VAT1L: variants seen among roughly 807,000 people sequenced by gnomAD.
VAT1L encodes the protein putative NADPH-dependent quinone oxidoreductase VAT1L.
VAT1L carries 34 observed loss-of-function variants against 44.1 expected under a neutral mutation model. The observed-to-expected ratio is 0.77, with a 90% CI of 0.59 to 1.03. The LOEUF is 1.03. Ranked by LOEUF, VAT1L falls within the 50% of genes least tolerant of loss-of-function variation. VAT1L has a pLI of 0.00. For synonymous variants in VAT1L, 253 were observed against 202.2 expected, an observed-to-expected ratio of 1.25 and a Z score of -2.13; for missense variants, 615 against 538.8, an observed-to-expected ratio of 1.14 and a Z score of -1.40.
chr16:77,970,931 G>A (rs1009418334), intron 7 of VAT1L, among the ~76,000 whole-genome samples: 3 of 152,098 alleles, frequency 2.0e-5, no homozygotes, highest in African/African-American at 7.2e-5. Context: ...AACATTTAAT[G>A]AATATTTTTG....
intron 3 of VAT1L, among the ~76,000 whole-genome samples, chr16:77,831,157 C>T (rs961995360): frequency 6.6e-6 from 1 of 152,176 alleles, no homozygotes; most frequent in African/African-American, 2.4e-5. Flanking sequence ...CAGTCTTCAG[C>T]TCTGTCATTT....
intron 4 of VAT1L, among the ~76,000 whole-genome samples, chr16:77,867,254 C>A (rs1307658466): frequency 6.6e-6 from 1 of 152,104 alleles, no homozygotes; most frequent in African/African-American, 2.4e-5. Flanking sequence ...AGCATATGTT[C>A]ATTACGTGGA....
At chr16:77,803,108 G>C (rs2016093838) in intron 1 of VAT1L, among the ~76,000 whole-genome samples, 1 of 152,214 alleles carries the variant, frequency 6.6e-6, no homozygotes, top group Admixed American at 6.5e-5. Context: ...TTGAAAGGTG[G>C]ATTTTAAGAC....
At chr16:77,877,868 T>A (rs2142454967) in intron 5 of VAT1L, among the ~76,000 whole-genome samples, 1 of 152,300 alleles carries the variant, frequency 6.6e-6, no homozygotes, top group Non-Finnish European at 1.5e-5. Flanking sequence ...TCCAGTAATT[T>A]CAATCATAGC....
intron 3 of VAT1L, among the ~76,000 whole-genome samples, chr16:77,839,535 C>CAAAAAAAAAAAAAAAA (rs71137846): frequency 4.1e-5 from 2 of 49,070 alleles, no homozygotes; most frequent in African/African-American, 1.8e-4. Context: ...TACTCCATAT[C>CAAAAAAAAAAAAAAAA]AAAAAAAAAA....
At chr16:77,854,985 G>A (rs985382559) in intron 3 of VAT1L, among the ~76,000 whole-genome samples, 1 of 152,104 alleles carries the variant, frequency 6.6e-6, no homozygotes, top group African/African-American at 2.4e-5. Context: ...ACTAGTCAAT[G>A]TGATCAAGAA....
At chr16:77,817,449 T>G (rs1000576624) in intron 2 of VAT1L, among the ~76,000 whole-genome samples, 2 of 152,206 alleles carry the variant, frequency 1.3e-5, no homozygotes, top group African/African-American at 4.8e-5. Context: ...CTCTCTATTT[T>G]ATAACCTGGC....
At chr16:77,950,687 C>T (rs2018032072) in intron 7 of VAT1L, among the ~76,000 whole-genome samples, 1 of 152,148 alleles carries the variant, frequency 6.6e-6, no homozygotes, top group South Asian at 2.1e-4. Context: ...GGACATTTTG[C>T]TCCAGTTTTT....
At chr16:77,845,364 T>C (rs254768) in intron 3 of VAT1L, among the ~76,000 whole-genome samples, 91,222 of 151,936 alleles carry the variant, frequency 0.6, 28,070 homozygotes, top group East Asian at 0.74. Flanking sequence ...TCTCCCCCTC[T>C]GTGGGACAGT....
chr16:77,833,596 C>G (rs1261429118), intron 3 of VAT1L, among the ~76,000 whole-genome samples: 1 of 151,768 alleles, frequency 6.6e-6, no homozygotes, highest in Non-Finnish European at 1.5e-5. Flanking sequence ...ACTACAAATA[C>G]AAAAATTAGC....
chr16:77,831,239 G>A (rs182867306), intron 3 of VAT1L, among the ~76,000 whole-genome samples: 7 of 152,282 alleles, frequency 4.6e-5, no homozygotes, highest in East Asian at 1.9e-4. Flanking sequence ...TTTACCTCAC[G>A]TAAGGATTAA....
At chr16:77,841,912 G>T (rs1007278176) in intron 3 of VAT1L, among the ~76,000 whole-genome samples, 1 of 151,320 alleles carries the variant, frequency 6.6e-6, no homozygotes, top group Non-Finnish European at 1.5e-5. Context: ...TTTTGAGACA[G>T]AGTCTCGCTC....
intron 3 of VAT1L, among the ~76,000 whole-genome samples, chr16:77,835,047 T>C (rs1287770988): frequency 6.6e-6 from 1 of 152,230 alleles, no homozygotes; most frequent in African/African-American, 2.4e-5. Context: ...TTGCTTTTGT[T>C]TTTTTAATTT....
At chr16:77,928,699 G>C (rs979804758) in intron 7 of VAT1L, among the ~76,000 whole-genome samples, 26 of 152,074 alleles carry the variant, frequency 1.7e-4, no homozygotes, top group Admixed American at 2.0e-4. Flanking sequence ...ACCAAAATCA[G>C]TAACAAAAAC....
intron 7 of VAT1L, among the ~76,000 whole-genome samples, chr16:77,905,379 C>T (rs745733043): frequency 2.6e-5 from 4 of 152,032 alleles, no homozygotes; most frequent in Non-Finnish European, 5.9e-5. Context: ...TTCTGTTTGC[C>T]GAGATTCCAA....
rs773681882 is a variant in VAT1L, at chr16:77,816,930, C to G, written c.243C>G (p.Asn81Lys). The G allele has an allele frequency of 6.2e-7, 1 of 1,613,244 alleles. No homozygotes were observed. The highest frequency in any genetic ancestry group is 1.7e-5 in the Admixed American group (1 of 59,914). The stretch of plus-strand genomic sequence containing the variant: ...CATTTGCTCTTTACAGTGGATTAAA[C>G]TTCATTGACTTGATGGTGCGACAAG... Reference protein sequence around the residue: ...LKIRVKACGLNFIDLMVRQGN... With the variant: ...LKIRVKACGLKFIDLMVRQGN... The change falls in exon 2 of 9, where the codon AAC becomes AAG. Residue 81 changes from asparagine (N) to lysine (K), a missense_variant. Physicochemically the swap from Asn to Lys is moderately conservative, Grantham distance 94. Transcript: ENST00000302536.
At position 77,879,360 on chromosome 16, in the gene VAT1L, G is replaced by A. The variant is rs1326337262; in HGVS notation, c.882+136G>A. Reference sequence around the variant, plus strand: ...GGCTGGAGTGCAATGGCACGATCTCGGCTCATGGCAACCTCCGACTCCCTG... The same window carrying A: ...GGCTGGAGTGCAATGGCACGATCTCAGCTCATGGCAACCTCCGACTCCCTG... On this transcript the variant is annotated intron_variant, in intron 6 of 8. Coordinates refer to ENST00000302536, the MANE Select transcript of VAT1L (RefSeq NM_020927.3). This position sits in a 1 kb window ranked among gnomAD's most constrained non-coding sequence, Gnocchi z 4.1. 41 of 909,682 alleles carry A rather than the reference G, an allele frequency of 4.5e-5. No individual in the cohort carries two copies. The highest frequency in any genetic ancestry group is 7.9e-5 in the Admixed American group (4 of 50,700). The allele number at this position is 909,682 out of a possible 1,614,324, so 56.4% of individuals were successfully genotyped here.
At chr16:77,881,068 T>C (rs1308398093) in intron 6 of VAT1L, among the ~76,000 whole-genome samples, 1 of 152,232 alleles carries the variant, frequency 6.6e-6, no homozygotes, top group Non-Finnish European at 1.5e-5. Flanking sequence ...TACGGGTGCA[T>C]GTGTCCTTTT....
chr16:77,848,542 C>A (rs138514620), intron 3 of VAT1L, among the ~76,000 whole-genome samples: 169 of 152,232 alleles, frequency 1.1e-3, no homozygotes, highest in African/African-American at 3.7e-3. Flanking sequence ...GGGTGTTAAG[C>A]CCTTACTGAG....
Sources: allele counts gnomAD v4.1 joint callset (sites outside exome capture counted in the v4.1 genomes callset), GRCh38; gene constraint gnomAD v4.1.1; non-coding constraint Gnocchi (gnomAD v3.1); transcripts MANE v1.5; gene names NCBI Gene and HGNC (gene_info 2026-07-23, HGNC 2026-07-21).